Variants in NTF4 observed in about 807,000 individuals in gnomAD.
NTF4 encodes neurotrophin-4.
A neutral mutation model predicts 4.4 loss-of-function variants in NTF4; 2 were observed. That is an observed-to-expected ratio of 0.46 (90% confidence interval 0.19 to 1.44). NTF4 has a LOEUF of 1.44. NTF4 is among the 40% of genes most tolerant of loss of function. The pLI, the probability that NTF4 is intolerant of heterozygous loss-of-function variation, is 0.26. For missense variants in NTF4, 260 were observed against 293.0 expected (o/e 0.89, Z 0.82); for synonymous variants, 127 against 122.0 (o/e 1.04, Z -0.27).
upstream of NTF4, among the ~76,000 whole-genome samples, chr19:49,062,996 G>T (rs1023695241): frequency 6.7e-6 from 1 of 149,650 alleles, no homozygotes; most frequent in Non-Finnish European, 1.5e-5. Context: ...TTGCATCTTG[G>T]AGGATGTTCC....
chr19:49,061,671 G>C lies in NTF4; in HGVS notation c.327C>G (p.Thr109=). The C allele has an allele frequency of 6.2e-7, 1 of 1,613,326 alleles. No individual in the cohort carries two copies. Among genetic ancestry groups the C allele is most frequent in the Non-Finnish European group, 8.5e-7 (1 of 1,179,842 alleles). Residue 109 remains threonine, a synonymous_variant, in exon 1 of 1, where the codon ACC becomes ACG. Transcript: ENST00000593537. This position sits in a 1 kb window ranked among gnomAD's most constrained non-coding sequence, Gnocchi z 4.9. ...CCTCGCGCCCACGCAAGTCCACAGC[G>C]GTCCGGCGGTCTGTCACCCAGCCAC...
At chr19:49,063,316 AT>A (rs1205338872), upstream of NTF4, among the ~76,000 whole-genome samples, 3,869 of 132,816 alleles carry the variant, frequency 0.029, 35 homozygotes, top group Non-Finnish European at 0.04. Flanking sequence ...CCCAAACAAA[AT>A]TTTTTTTTTT....
In NTF4 at chr19:49,061,802, C is replaced by T; in HGVS notation, c.196G>A (p.Ala66Thr). ...GGGGCACCTGCTGACTCCCGAAAGG[C>T]CCCAGCCTCCAGCAGGAAGAGCAGA... Residue 66 changes from alanine to threonine, a missense_variant, in exon 1 of 1, where the codon GCC (alanine) becomes ACC (threonine). By Grantham distance (58) the Ala-to-Thr change is moderately conservative. Coordinates refer to ENST00000593537, the Ensembl canonical transcript of NTF4. This position sits in a 1 kb window ranked among gnomAD's most constrained non-coding sequence, Gnocchi z 4.9. 1 of 1,554,764 alleles carries T rather than the reference C, an allele frequency of 6.4e-7. No homozygotes were observed.
chr19:49,061,637 A>G lies in NTF4; in HGVS notation c.361T>C (p.Leu121=), dbSNP rs570895408. ...CCGCCAGCTGCAGGCACCTCGCCCA[A>G]CACCTCCACCTCGCGCCCACGCAAG... Residue 121 remains leucine, a synonymous_variant, in exon 1 of 1, where the codon TTG becomes CTG. Transcript: ENST00000593537. This position sits in a 1 kb window ranked among gnomAD's most constrained non-coding sequence, Gnocchi z 4.9. The G allele has an allele frequency of 2.0e-5, 33 of 1,613,776 alleles. No individual in the cohort carries two copies. In the African/African-American group the frequency reaches 4.3e-4, roughly 21 times the overall value.
downstream of NTF4, among the ~76,000 whole-genome samples, chr19:49,060,036 C>CAA (rs55870191): frequency 0.012 from 329 of 28,454 alleles, 70 homozygotes; most frequent in African/African-American, 0.039. Context: ...GACTCCATCT[C>CAA]AAAAAAAAAA....
chr19:49,060,035 T>TCAAA (rs2040113665), downstream of NTF4, among the ~76,000 whole-genome samples: 6 of 14,110 alleles, frequency 4.3e-4, no homozygotes, highest in Admixed American at 2.0e-3. Flanking sequence ...AGACTCCATC[T>TCAAA]CAAAAAAAAA....
downstream of NTF4, chr19:49,058,291 G>T: frequency 1.3e-6 from 2 of 1,513,858 alleles, no homozygotes; most frequent in Non-Finnish European, 1.8e-6. Flanking sequence ...CTCGTCGAAA[G>T]CCCAGATGCG....
chr19:49,063,502 A>G (rs1367739660), upstream of NTF4, among the ~76,000 whole-genome samples: 1 of 152,012 alleles, frequency 6.6e-6, no homozygotes, highest in African/African-American at 2.4e-5. Context: ...AATTTAGAGA[A>G]AGGTCACAAC....
upstream of NTF4, among the ~76,000 whole-genome samples, chr19:49,062,736 A>G (rs1439713444): frequency 6.6e-6 from 1 of 152,186 alleles, no homozygotes; most frequent in Admixed American, 6.5e-5. Flanking sequence ...GTGGGCTGAG[A>G]TTGAACCATT....
upstream of NTF4, chr19:49,064,353 G>T: frequency 6.5e-6 from 1 of 153,808 alleles, no homozygotes; most frequent in South Asian, 1.9e-4. Context: ...GACCCAACCA[G>T]GACCGCCTTC....
At chr19:49,058,583 C>G, downstream of NTF4, 1 of 478,646 alleles carries the variant, frequency 2.1e-6, no homozygotes, top group Admixed American at 3.8e-5. Context: ...CCCCAGGCCC[C>G]GCAGGGCTTC....
rs1345986295 is a variant in NTF4, at chr19:49,061,759, C to T, written c.239G>A (p.Arg80His). 13 of 1,593,548 alleles carry T rather than the reference C, an allele frequency of 8.2e-6. No homozygotes were observed. The highest frequency in any genetic ancestry group is 1.6e-4 in the Middle Eastern group (1 of 6,062). Residue 80 changes from arginine (R) to histidine (H), a missense_variant, in exon 1 of 1, where the codon CGT becomes CAT. Coordinates refer to ENST00000593537, the Ensembl canonical transcript of NTF4. This position sits in a 1 kb window ranked among gnomAD's most constrained non-coding sequence, Gnocchi z 4.9. ...CGCTGGTGCAGTTTCGCTCACCCCACGCCGGCTGCGGTTGGCCGGGGCACC... is the reference window on the plus strand; with the variant it reads ...CGCTGGTGCAGTTTCGCTCACCCCATGCCGGCTGCGGTTGGCCGGGGCACC...
In NTF4 at chr19:49,061,658, G is replaced by GC; in HGVS notation, c.339dup (p.Arg114AlafsTer25). The GC allele has an allele frequency of 6.2e-7, 1 of 1,613,592 alleles. No individual in the cohort carries two copies. ...CCCAACACCTCCACCTCGCGCCCAC[G>GC]CAAGTCCACAGCGGTCCGGCGGTCT... On this transcript the variant is annotated frameshift_variant, in exon 1 of 1. Transcript: ENST00000593537. LOFTEE classifies it low-confidence loss of function (END_TRUNC). This position sits in a 1 kb window ranked among gnomAD's most constrained non-coding sequence, Gnocchi z 4.9.
rs201071858 is a variant in NTF4, at chr19:49,061,970, G to A, written c.28C>T (p.Pro10Ser). 13 of 1,493,130 alleles carry A rather than the reference G, an allele frequency of 8.7e-6. No individual in the cohort carries two copies. The highest frequency in any genetic ancestry group is 1.3e-5 in the South Asian group (1 of 76,372). 92.5% of individuals were successfully genotyped at this position (1,493,130 alleles called of 1,614,324 possible). ...GGGAGGAGGAAAAGGAGGAGGATGG[G>A]GAGGGAGCATGAGGGGAGAGGGAGC... The change falls in exon 1 of 1, where the codon CCC becomes TCC. Residue 10 changes from proline to serine, a missense_variant. By Grantham distance (74) the Pro-to-Ser change is moderately conservative. Transcript: ENST00000593537. The surrounding 1 kb of genome is among the most constrained non-coding windows in gnomAD (Gnocchi z 4.9).
At chr19:49,064,244 G>A (rs1362018625), upstream of NTF4, 1 of 152,528 alleles carries the variant, frequency 6.6e-6, no homozygotes, top group Non-Finnish European at 1.5e-5. Flanking sequence ...GGACAGGCCA[G>A]GGCCCGCCCA....
rs1460533424 is a variant in NTF4, at chr19:49,061,372, CG to C, written c.625del (p.Arg209GlyfsTer15). 1 of 1,612,242 alleles carries C rather than the reference CG, an allele frequency of 6.2e-7. No individual in the cohort carries two copies. Among genetic ancestry groups the C allele is most frequent in the Admixed American group, 1.7e-5 (1 of 60,022 alleles). Reference sequence around the variant, plus strand: ...TTTTCCTGGGCATGGGTCTCAGGCCCGGCCAGTCCGGCTGAGGAGTGTGCAG... The same window carrying C: ...TTTTCCTGGGCATGGGTCTCAGGCCCGCCAGTCCGGCTGAGGAGTGTGCAG... On this transcript the variant is annotated frameshift_variant, in exon 1 of 1. Transcript: ENST00000593537. LOFTEE classifies it high-confidence loss of function. The surrounding 1 kb of genome is among the most constrained non-coding windows in gnomAD (Gnocchi z 4.9).
In NTF4 at chr19:49,061,974, G is replaced by A; in HGVS notation, c.24C>T (p.Ser8=). 1 of 1,484,408 alleles carries A rather than the reference G, an allele frequency of 6.7e-7. No homozygotes were observed. The highest frequency in any genetic ancestry group is 1.3e-5 in the South Asian group (1 of 74,670). 92.0% of individuals were successfully genotyped at this position (1,484,408 alleles called of 1,614,324 possible). The change falls in exon 1 of 1, where the codon TCC becomes TCT. Residue 8 remains serine (S), a synonymous_variant. Transcript: ENST00000593537. This position sits in a 1 kb window ranked among gnomAD's most constrained non-coding sequence, Gnocchi z 4.9. ...GGAGGAAAAGGAGGAGGATGGGGAG[G>A]GAGCATGAGGGGAGAGGGAGCATCT...
Position 49,061,174 on chromosome 19 carries a change from C to T in NTF4, c.*191G>A, listed in dbSNP as rs1248831488. ...CATCATCATTATTACCCTCAAGTTGCTCCAGGAGAACTCCTATTCAACCTC... is the reference window on the plus strand; with the variant it reads ...CATCATCATTATTACCCTCAAGTTGTTCCAGGAGAACTCCTATTCAACCTC... On this transcript the variant is annotated 3_prime_UTR_variant, in exon 1 of 1. Coordinates refer to ENST00000593537, the Ensembl canonical transcript of NTF4. This position sits in a 1 kb window ranked among gnomAD's most constrained non-coding sequence, Gnocchi z 4.9. 3 of 1,021,806 alleles carry T rather than the reference C, an allele frequency of 2.9e-6. No individual in the cohort carries two copies. The highest frequency in any genetic ancestry group is 1.6e-5 in the African/African-American group (1 of 61,956). 63.3% of individuals were successfully genotyped at this position (1,021,806 alleles called of 1,614,324 possible).
In NTF4 at chr19:49,061,519, C is replaced by A; in HGVS notation, c.479G>T (p.Gly160Val). 1 of 1,614,194 alleles carries A rather than the reference C, an allele frequency of 6.2e-7. No homozygotes were observed. Among genetic ancestry groups the A allele is most frequent in the Non-Finnish European group, 8.5e-7 (1 of 1,180,050 alleles). ...AGATACCCAGTGCCTCCTGTCCACT[C>A]CCCGGCAGCCCCCTCCACCTGCCCC... is the stretch of plus-strand genomic sequence containing the variant. Residue 160 changes from glycine to valine, a missense_variant, in exon 1 of 1, where the codon GGA (glycine) becomes GTA (valine). Physicochemically the swap from Gly to Val is moderately radical, Grantham distance 109. Coordinates refer to ENST00000593537, the Ensembl canonical transcript of NTF4. This position sits in a 1 kb window ranked among gnomAD's most constrained non-coding sequence, Gnocchi z 4.9.
Sources: gnomAD v4.1 joint callset for allele counts (sites outside exome capture counted in the v4.1 genomes callset) on GRCh38, gnomAD v4.1.1 for gene constraint, Gnocchi (gnomAD v3.1) non-coding constraint, MANE v1.5 for transcripts, NCBI Gene and HGNC (gene_info 2026-07-23, HGNC 2026-07-21) for gene names.